CSMD1: variants seen among roughly 807,000 people sequenced by gnomAD.
CSMD1 encodes CUB and sushi domain-containing protein 1.
In CSMD1, 213 loss-of-function variants were observed where a neutral mutation model predicts 417.5. The observed-to-expected ratio is 0.51, with a 90% CI of 0.46 to 0.57. CSMD1 has a LOEUF of 0.57. Ranked by LOEUF, CSMD1 falls within the 20% of genes least tolerant of loss-of-function variation. The pLI is 0.00. For synonymous variants in CSMD1, 2,862 were observed against 1,736.8 expected (o/e 1.65, Z -16.11); for missense variants, 6,923 against 4,529.7 (o/e 1.53, Z -15.17).
intron 1 of CSMD1, among the ~76,000 whole-genome samples, chr8:4,879,065 G>A (rs542585795): frequency 5.9e-5 from 9 of 152,078 alleles, no homozygotes; most frequent in Middle Eastern, 3.4e-3. Flanking sequence ...AGTAAGACTT[G>A]ATATTGTAGA....
intron 10 of CSMD1, among the ~76,000 whole-genome samples, chr8:3,573,122 TTC>T (rs1252035097): frequency 6.6e-6 from 1 of 152,198 alleles, no homozygotes; most frequent in African/African-American, 2.4e-5. Context: ...TTATGCTTGT[TTC>T]TGTTACACTA....
chr8:3,303,586 C>T (rs1346034187), intron 25 of CSMD1, among the ~76,000 whole-genome samples: 1 of 152,148 alleles, frequency 6.6e-6, no homozygotes, highest in African/African-American at 2.4e-5. Flanking sequence ...AACAGAAGTA[C>T]ATTCAAAGTG....
intron 21 of CSMD1, 88 bp downstream of exon 21, chr8:3,359,064 C>A (rs1808984794): frequency 1.5e-6 from 2 of 1,302,992 alleles, no homozygotes; most frequent in Non-Finnish European, 2.2e-6. Context: ...TCAACAAACC[C>A]CCACCCGACC....
At chr8:4,484,025 G>T (rs971270934) in intron 2 of CSMD1, among the ~76,000 whole-genome samples, 2 of 152,014 alleles carry the variant, frequency 1.3e-5, no homozygotes, top group African/African-American at 4.8e-5. Context: ...GGATGATAGG[G>T]CTGCATTAGA....
intron 25 of CSMD1, among the ~76,000 whole-genome samples, chr8:3,307,413 GATGT>G (rs1422931468): frequency 7.3e-5 from 2 of 27,322 alleles, no homozygotes; most frequent in Admixed American, 3.4e-4. Flanking sequence ...ACGAAGTCAT[GATGT>G]TTTTTTTCAG....
At chr8:3,527,603 C>CAA (rs1563123762) in intron 10 of CSMD1, among the ~76,000 whole-genome samples, 1 of 152,016 alleles carries the variant, frequency 6.6e-6, no homozygotes, top group African/African-American at 2.4e-5. Context: ...CACACACACA[C>CAA]GGGCATCTAA....
intron 62 of CSMD1, 68 bp downstream of exon 62, chr8:2,961,073 A>G: frequency 9.1e-7 from 1 of 1,093,330 alleles, no homozygotes; most frequent in South Asian, 1.7e-5. Flanking sequence ...AAGCACTCAC[A>G]TATGTTTAAG....
intron 1 of CSMD1, among the ~76,000 whole-genome samples, chr8:4,933,784 T>C (rs796067674): frequency 1.3e-5 from 2 of 152,344 alleles, no homozygotes; most frequent in African/African-American, 4.8e-5. Flanking sequence ...TCTTCCTCTC[T>C]TCCTTCTAAA....
intron 38 of CSMD1, among the ~76,000 whole-genome samples, chr8:3,159,099 C>T (rs1353611577): frequency 6.6e-6 from 1 of 152,160 alleles, no homozygotes; most frequent in Admixed American, 6.5e-5. Flanking sequence ...TTGACACTCT[C>T]TGTATCCCCA....
At chr8:3,879,390 A>G (rs1484886628) in intron 5 of CSMD1, among the ~76,000 whole-genome samples, 2 of 152,188 alleles carry the variant, frequency 1.3e-5, no homozygotes, top group African/African-American at 4.8e-5. Flanking sequence ...GTATTCATAC[A>G]CTGTAGCACA....
chr8:2,960,337 C>T (rs147368452), intron 62 of CSMD1, among the ~76,000 whole-genome samples: 221 of 152,286 alleles, frequency 1.5e-3, no homozygotes, highest in African/African-American at 5.0e-3. Context: ...ACTCTGTGTC[C>T]GAGCGAGAAC....
chr8:4,261,808 A>G (rs1385874989), intron 3 of CSMD1, among the ~76,000 whole-genome samples: 3 of 152,200 alleles, frequency 2.0e-5, no homozygotes, highest in Admixed American at 2.0e-4. Flanking sequence ...TCATTTCTCA[A>G]TATATCACAT....
At chr8:4,330,745 T>G (rs953316398) in intron 3 of CSMD1, among the ~76,000 whole-genome samples, 1 of 152,176 alleles carries the variant, frequency 6.6e-6, no homozygotes, top group Admixed American at 6.5e-5. Context: ...TTATCTGCAT[T>G]CCTGTCTTTC....
intron 5 of CSMD1, among the ~76,000 whole-genome samples, chr8:3,754,581 A>C (rs995321499): frequency 6.6e-6 from 1 of 152,042 alleles, no homozygotes; most frequent in Non-Finnish European, 1.5e-5. Context: ...CAGCCTCCTG[A>C]GTAGCTGGGA....
At chr8:4,155,713 A>C (rs1329049172) in intron 3 of CSMD1, among the ~76,000 whole-genome samples, 5 of 152,128 alleles carry the variant, frequency 3.3e-5, no homozygotes, top group African/African-American at 4.8e-5. Context: ...CTACTTCGTC[A>C]AATCACAACA....
chr8:3,960,665 T>A (rs1178325614), intron 5 of CSMD1, among the ~76,000 whole-genome samples: 1 of 151,984 alleles, frequency 6.6e-6, no homozygotes, highest in Non-Finnish European at 1.5e-5. Context: ...AATCAAGAAG[T>A]TATGATAAAA....
At chr8:4,282,386 G>A (rs145582732) in intron 3 of CSMD1, among the ~76,000 whole-genome samples, 5 of 152,050 alleles carry the variant, frequency 3.3e-5, no homozygotes, top group African/African-American at 4.8e-5. Context: ...TCATTTTCTC[G>A]GACTCATTAG....
chr8:4,106,857 G>A (rs1467299957), intron 3 of CSMD1, among the ~76,000 whole-genome samples: 1 of 152,076 alleles, frequency 6.6e-6, no homozygotes, highest in Non-Finnish European at 1.5e-5. Flanking sequence ...AAGAAAAACT[G>A]CCCCGCATTT....
intron 50 of CSMD1, among the ~76,000 whole-genome samples, chr8:3,040,547 G>T (rs554168228): frequency 1.2e-3 from 182 of 151,942 alleles, no homozygotes; most frequent in African/African-American, 4.1e-3. Flanking sequence ...GCTCATGCCT[G>T]TAATCCCAGC....
Sources: gnomAD v4.1 joint callset for allele counts (sites outside exome capture counted in the v4.1 genomes callset) on GRCh38, gnomAD v4.1.1 for gene constraint, MANE v1.5 for transcripts, NCBI Gene and HGNC (gene_info 2026-07-23, HGNC 2026-07-21) for gene names.